The following HNF4A variants were observed in gnomAD, a reference collection of about 807,000 sequenced individuals.
HNF4A encodes the protein hepatocyte nuclear factor 4-alpha.
HNF4A carries 15 observed loss-of-function variants against 52.4 expected under a neutral mutation model. The ratio of observed to expected loss-of-function variants is 0.29; its 90% confidence interval spans 0.19 to 0.44. The LOEUF is 0.44. Ranked by LOEUF, HNF4A falls within the 20% of genes least tolerant of loss-of-function variation. The pLI, the probability that HNF4A is intolerant of heterozygous loss-of-function variation, is 1.00. For synonymous variants in HNF4A, 280 were observed against 264.4 expected (o/e 1.06, Z -0.57); for missense variants, 479 against 647.2 (o/e 0.74, Z 2.82).
At chr20:44,423,526 A>G (rs1046154907) in intron 7 of HNF4A, among the ~76,000 whole-genome samples, 2 of 152,128 alleles carry the variant, frequency 1.3e-5, no homozygotes, top group African/African-American at 2.4e-5. Context: ...TGAGTCCCTA[A>G]GGTGATAGGA....
chr20:44,390,617 G>A (rs1346965825), intron 1 of HNF4A: 1 of 702,534 alleles, frequency 1.4e-6, no homozygotes, highest in South Asian at 1.5e-5. Flanking sequence ...CACTGTGCGG[G>A]ACCCCATAGC....
intron 8 of HNF4A, 121 bp from the exon 9 acceptor site, chr20:44,428,214 C>A: frequency 2.0e-6 from 2 of 982,456 alleles, no homozygotes; most frequent in Non-Finnish European, 3.2e-6. Context: ...AATAGGTACC[C>A]AACAGGCACT....
chr20:44,365,377 T>C (rs1018538914), intron 1 of HNF4A, among the ~76,000 whole-genome samples: 1 of 152,090 alleles, frequency 6.6e-6, no homozygotes, highest in South Asian at 2.1e-4. Flanking sequence ...TCTTGCTGTG[T>C]TGCACAGGCT....
intron 1 of HNF4A, among the ~76,000 whole-genome samples, chr20:44,379,107 T>C (rs1008601447): frequency 6.6e-6 from 1 of 152,160 alleles, no homozygotes; most frequent in Non-Finnish European, 1.5e-5. Context: ...TCCATCCATG[T>C]TGTAGCATGT....
chr20:44,391,908 T>A (rs1211423091), intron 1 of HNF4A: 2 of 152,234 alleles, frequency 1.3e-5, no homozygotes, highest in African/African-American at 4.8e-5. Flanking sequence ...ACACCTTTTA[T>A]GTTTTGATTC....
At chr20:44,362,147 G>A (rs2062923681) in intron 1 of HNF4A, among the ~76,000 whole-genome samples, 1 of 151,268 alleles carries the variant, frequency 6.6e-6, no homozygotes, top group African/African-American at 2.4e-5. Context: ...GTGGCTTATT[G>A]TGGATTACAC....
upstream of HNF4A, among the ~76,000 whole-genome samples, chr20:44,397,338 G>A (rs77346731): frequency 1.1e-3 from 175 of 152,210 alleles, 6 homozygotes; most frequent in East Asian, 0.03. Context: ...TGGAGGAAGG[G>A]AATGAAACTT....
At chr20:44,405,181 ATCT>A (rs369833857) in intron 1 of HNF4A, among the ~76,000 whole-genome samples, 241 of 152,128 alleles carry the variant, frequency 1.6e-3, no homozygotes, top group African/African-American at 5.7e-3. Flanking sequence ...TGCATTTGTC[ATCT>A]TCTTCAAAGG....
chr20:44,410,518 C>T (rs982244929), intron 3 of HNF4A, among the ~76,000 whole-genome samples: 5 of 151,844 alleles, frequency 3.3e-5, no homozygotes, highest in Non-Finnish European at 7.4e-5. Flanking sequence ...TGGGAAGCTC[C>T]CAAAGCCAAA....
chr20:44,428,540 C>G (rs2063840021), intron 9 of HNF4A, 53 bp downstream of exon 9: 2 of 1,547,896 alleles, frequency 1.3e-6, no homozygotes, highest in South Asian at 1.1e-5. Flanking sequence ...GGGCTTAAGA[C>G]AGGAGGCAGG....
intron 8 of HNF4A, among the ~76,000 whole-genome samples, chr20:44,428,058 T>C (rs904608574): frequency 2.6e-5 from 4 of 152,220 alleles, no homozygotes; most frequent in African/African-American, 9.6e-5. Context: ...ACACTACTCA[T>C]TAGAACATTT....
downstream of HNF4A, chr20:44,432,916 TAAA>T (rs1008118568): frequency 6.6e-6 from 1 of 152,192 alleles, no homozygotes; most frequent in Non-Finnish European, 1.5e-5. Context: ...ACTTGGGGGT[TAAA>T]AAATTTTTTT....
Position 44,405,955 on chromosome 20 carries a change from G to T in HNF4A, c.116-103G>T, listed in dbSNP as rs993629592. The T allele has an allele frequency of 4.4e-6, 5 of 1,135,500 alleles. No individual in the cohort carries two copies. The African/African-American group carries it at 7.5e-5, about 17-fold the overall frequency. The allele number at this position is 1,135,500 out of a possible 1,614,324, so 70.3% of individuals were successfully genotyped here. A position where few individuals can be genotyped will look rare whatever the true frequency, so the allele number is the denominator to read the frequency against. On this transcript the variant is annotated intron_variant, in intron 1 of 9. Coordinates refer to ENST00000316099, the MANE Select transcript of HNF4A (RefSeq NM_000457.6). ...GGTGATGGAGTGGGAACAGCCCCCA[G>T]ATCTGGCTGAGGCCGAAGCCCTGGA...
At chr20:44,412,637 G>T (rs1305434867) in intron 3 of HNF4A, among the ~76,000 whole-genome samples, 1 of 152,156 alleles carries the variant, frequency 6.6e-6, no homozygotes, top group South Asian at 2.1e-4. Flanking sequence ...GAGGAACACA[G>T]ACTGCAGGCG....
chr20:44,428,354 C>A lies in HNF4A; in HGVS notation c.1149C>A (p.Pro383=). ...CTGCAGGGTCCCCCAGCGATGCACC[C>A]CATGCCCACCACCCCCTGCACCCTC... Residue 383 remains proline, a synonymous_variant, in exon 9 of 10, where the codon CCC becomes CCA. Coordinates refer to ENST00000316099, the MANE Select transcript of HNF4A (RefSeq NM_000457.6). 6.2e-7 allele frequency: 1 copy of A among 1,614,138 alleles called. No homozygotes were observed. Among genetic ancestry groups the A allele is most frequent in the Non-Finnish European group, 8.5e-7 (1 of 1,180,030 alleles).
At chr20:44,405,044 TTGTGTGTGGACTGTGTGGTGCG>T (rs1178261230) in intron 1 of HNF4A, among the ~76,000 whole-genome samples, 11 of 47,094 alleles carry the variant, frequency 2.3e-4, no homozygotes, top group Non-Finnish European at 3.2e-4. Context: ...GTGTGTGTGC[TTGTGTGTGGACTGTGTGGTGCG>T]TGTGTGTGGA....
At chr20:44,357,505 G>C (rs988689496) in intron 1 of HNF4A, among the ~76,000 whole-genome samples, 8 of 152,110 alleles carry the variant, frequency 5.3e-5, no homozygotes, top group African/African-American at 1.9e-4. Flanking sequence ...ATAAGGCTAA[G>C]CTAGGGGTGA....
Position 44,428,341 on chromosome 20 carries a change from C to T in HNF4A, c.1136C>T (p.Pro379Leu), listed in dbSNP as rs369301806. Residue 379 changes from proline (P) to leucine (L), a missense_variant, in exon 9 of 10, where the codon CCC (proline) becomes CTC (leucine). Coordinates refer to ENST00000316099, the MANE Select transcript of HNF4A (RefSeq NM_000457.6). ...CGACCTTCTCTACCTGCAGGGTCCC[C>T]CAGCGATGCACCCCATGCCCACCAC... 3.1e-6 allele frequency: 5 copies of T among 1,614,050 alleles called. No individual in the cohort carries two copies. The highest frequency in any genetic ancestry group is 4.2e-6 in the Non-Finnish European group (5 of 1,180,012).
At chr20:44,418,750 C>T (rs117838215) in intron 6 of HNF4A, among the ~76,000 whole-genome samples, 169 of 152,288 alleles carry the variant, frequency 1.1e-3, no homozygotes, top group Non-Finnish European at 1.8e-3. Flanking sequence ...AGTCAGAGCA[C>T]GATCAGGGTT....
Sources: allele counts gnomAD v4.1 joint callset (sites outside exome capture counted in the v4.1 genomes callset), GRCh38; gene constraint gnomAD v4.1.1; transcripts MANE v1.5; gene names NCBI Gene and HGNC (gene_info 2026-07-23, HGNC 2026-07-21).